The following MAPK14 variants were observed in gnomAD, a reference collection of about 807,000 sequenced individuals.
The protein encoded by MAPK14 is CSAID-binding protein.
MAPK14 carries 16 observed loss-of-function variants against 49.6 expected under a neutral mutation model. That is an observed-to-expected ratio of 0.32 (90% CI 0.22 to 0.49). The LOEUF is 0.49. MAPK14 is among the 20% of genes least tolerant of loss of function. The pLI, the probability that MAPK14 is intolerant of heterozygous loss-of-function variation, is 0.99. For missense variants in MAPK14, 200 were observed against 441.2 expected, an observed-to-expected ratio of 0.45 and a Z score of 4.90; for synonymous variants, 142 against 158.0, an observed-to-expected ratio of 0.90 and a Z score of 0.76.
chr6:36,104,557 T>C (rs1192690043), intron 10 of MAPK14, among the ~76,000 whole-genome samples: 2 of 152,108 alleles, frequency 1.3e-5, no homozygotes. Context: ...CTGGCTAATT[T>C]TTTGTATCTT....
intron 8 of MAPK14, among the ~76,000 whole-genome samples, chr6:36,084,893 A>C (rs946346098): frequency 2.6e-5 from 4 of 151,850 alleles, no homozygotes; most frequent in Non-Finnish European, 5.9e-5. Context: ...TCCAAGGTTG[A>C]AATGAAGGAA....
intron 8 of MAPK14, among the ~76,000 whole-genome samples, chr6:36,081,726 C>T (rs957527839): frequency 2.0e-5 from 3 of 152,004 alleles, no homozygotes; most frequent in African/African-American, 7.3e-5. Context: ...TATTCTGGGT[C>T]CCTTGTAATT....
intron 8 of MAPK14, among the ~76,000 whole-genome samples, chr6:36,089,953 CTGT>C (rs1263720073): frequency 6.6e-6 from 1 of 152,192 alleles, no homozygotes; most frequent in Non-Finnish European, 1.5e-5. Context: ...CCTTGGCTTG[CTGT>C]TGTTTTCCTT....
chr6:36,093,133 T>C (rs1407883676), intron 8 of MAPK14, among the ~76,000 whole-genome samples: 1 of 152,118 alleles, frequency 6.6e-6, no homozygotes, highest in Non-Finnish European at 1.5e-5. Flanking sequence ...GGTTTATGAG[T>C]ACATAAATAA....
chr6:36,119,440 TCAA>T, the MAPK14 span, among the ~76,000 whole-genome samples: 2 of 152,108 alleles, frequency 1.3e-5, no homozygotes, highest in Non-Finnish European at 2.9e-5. Flanking sequence ...TTCTCGTATG[TCAA>T]CAAGGAACAG....
chr6:36,036,044 C>T (rs544551647), intron 1 of MAPK14, among the ~76,000 whole-genome samples: 5 of 151,858 alleles, frequency 3.3e-5, no homozygotes, highest in Middle Eastern at 3.4e-3. Context: ...GCCAACATGG[C>T]GAAACTCTGC....
intron 1 of MAPK14, among the ~76,000 whole-genome samples, chr6:36,048,980 A>G (rs1420628328): frequency 2.0e-5 from 3 of 152,250 alleles, no homozygotes; most frequent in African/African-American, 7.2e-5. Context: ...GAGTTTGAGT[A>G]GAAGCAGCAC....
At chr6:36,031,610 G>C (rs1280091599) in intron 1 of MAPK14, among the ~76,000 whole-genome samples, 1 of 151,970 alleles carries the variant, frequency 6.6e-6, no homozygotes, top group Non-Finnish European at 1.5e-5. Flanking sequence ...TCACCATGTT[G>C]GCCAGGCTGA....
chr6:36,077,540 T>C (rs1764580842), intron 8 of MAPK14, among the ~76,000 whole-genome samples: 1 of 152,134 alleles, frequency 6.6e-6, no homozygotes, highest in Admixed American at 6.6e-5. Flanking sequence ...GAATGTCAAT[T>C]CACTTGCTTA....
chr6:36,073,579 C>G, intron 4 of MAPK14, 112 bp from the exon 5 acceptor site: 1 of 787,708 alleles, frequency 1.3e-6, no homozygotes, highest in Non-Finnish European at 2.1e-6. Context: ...GATTTCTAAT[C>G]TTACTATTAA....
At chr6:36,066,831 G>A (rs1197903173) in intron 3 of MAPK14, among the ~76,000 whole-genome samples, 1 of 151,920 alleles carries the variant, frequency 6.6e-6, no homozygotes, top group Non-Finnish European at 1.5e-5. Context: ...GGAAATAATG[G>A]TGAAAGAAAT....
intron 8 of MAPK14, among the ~76,000 whole-genome samples, chr6:36,088,416 A>G (rs562357357): frequency 1.3e-5 from 2 of 152,210 alleles, no homozygotes; most frequent in Non-Finnish European, 2.9e-5. Context: ...TTACAAGGAA[A>G]AAACCCATTA....
chr6:36,052,955 T>C (rs1400444294), intron 2 of MAPK14, 127 bp downstream of exon 2: 6 of 590,128 alleles, frequency 1.0e-5, no homozygotes, highest in Non-Finnish European at 1.6e-5. Context: ...TGTCCTGGGG[T>C]GTTAGTGGCC....
At chr6:36,050,461 G>A (rs1047831824) in intron 1 of MAPK14, among the ~76,000 whole-genome samples, 3 of 152,216 alleles carry the variant, frequency 2.0e-5, no homozygotes, top group Non-Finnish European at 2.9e-5. Flanking sequence ...GGTCTAGAAT[G>A]TGACCATGAA....
intron 9 of MAPK14, among the ~76,000 whole-genome samples, chr6:36,098,457 G>C (rs889338730): frequency 6.6e-6 from 1 of 152,140 alleles, no homozygotes; most frequent in African/African-American, 2.4e-5. Flanking sequence ...AGGATCACTC[G>C]AGGCCAGGAG....
At chr6:36,041,879 A>T (rs1471768675) in intron 1 of MAPK14, among the ~76,000 whole-genome samples, 1 of 152,240 alleles carries the variant, frequency 6.6e-6, no homozygotes, top group Non-Finnish European at 1.5e-5. Context: ...CTAAAATATT[A>T]ATAAATTGTG....
rs1403046982 is a variant in MAPK14, at chr6:36,027,928, C to T, written c.-230C>T. On this transcript the variant is annotated 5_prime_UTR_variant, in exon 1 of 12. Coordinates refer to ENST00000229794, the MANE Select transcript of MAPK14 (RefSeq NM_139012.3). ...GGGCGCAGTCTTGAGCGCCGGAGCG[C>T]GTCCCTGCCCTTAGCGGGGCTTGCC... is the stretch of plus-strand genomic sequence containing the variant. 6 of 416,126 alleles carry T rather than the reference C, an allele frequency of 1.4e-5. No individual in the cohort carries two copies. Among genetic ancestry groups the T allele is most frequent in the Admixed American group, 4.4e-5 (1 of 22,782 alleles). 25.8% of individuals were successfully genotyped at this position (416,126 alleles called of 1,614,324 possible).
the MAPK14 span, among the ~76,000 whole-genome samples, chr6:36,118,172 A>G: frequency 6.6e-6 from 1 of 152,358 alleles, no homozygotes; most frequent in African/African-American, 2.4e-5. Context: ...GATGGCCATA[A>G]TCTAGATAAT....
At chr6:36,060,590 C>G (rs960796731) in intron 3 of MAPK14, among the ~76,000 whole-genome samples, 1 of 152,160 alleles carries the variant, frequency 6.6e-6, no homozygotes, top group Non-Finnish European at 1.5e-5. Context: ...CTGAACCTAA[C>G]CAGTTTCTCC....
Sources: gnomAD v4.1 joint callset for allele counts (sites outside exome capture counted in the v4.1 genomes callset) on GRCh38, gnomAD v4.1.1 for gene constraint, MANE v1.5 for transcripts, NCBI Gene and HGNC (gene_info 2026-07-23, HGNC 2026-07-21) for gene names.